POU6F2: variants seen among roughly 807,000 people sequenced by gnomAD.
POU6F2 encodes the protein POU domain, class 6, transcription factor 2.
Under a neutral mutation model 71.3 loss-of-function variants are expected in POU6F2, and 31 were observed. That is an observed-to-expected ratio of 0.43 (90% CI 0.33 to 0.59). The LOEUF (loss-of-function observed/expected upper bound fraction) is 0.59, where lower values mean the gene tolerates loss of function less well. Among genes scored for constraint, POU6F2 ranks in the 20% least tolerant of loss-of-function variants. The probability of loss-of-function intolerance (pLI) is 0.04; values close to 1 mark genes in which losing one functional copy is unlikely to be tolerated. For missense variants in POU6F2, 783 were observed against 856.8 expected (o/e 0.91, Z 1.07); for synonymous variants, 347 against 355.7 (o/e 0.98, Z 0.27).
intron 4 of POU6F2, among the ~76,000 whole-genome samples, chr7:39,338,485 G>A (rs1280873927): frequency 6.6e-6 from 1 of 152,164 alleles, no homozygotes; most frequent in Non-Finnish European, 1.5e-5. Context: ...CAGTTCAGTG[G>A]CTCAGTGAGG....
intron 1 of POU6F2, among the ~76,000 whole-genome samples, chr7:39,011,348 C>T (rs1294253135): frequency 6.6e-6 from 1 of 151,590 alleles, no homozygotes; most frequent in Non-Finnish European, 1.5e-5. Context: ...ATTGCAACCC[C>T]TGCCTTTTTT....
chr7:39,250,436 A>T (rs1783894250), intron 4 of POU6F2, among the ~76,000 whole-genome samples: 1 of 152,232 alleles, frequency 6.6e-6, no homozygotes, highest in Non-Finnish European at 1.5e-5. Flanking sequence ...CCTTATCTAA[A>T]GATGTGGCTC....
intron 6 of POU6F2, among the ~76,000 whole-genome samples, chr7:39,414,684 G>T (rs975402496): frequency 6.6e-6 from 1 of 150,588 alleles, no homozygotes; most frequent in African/African-American, 2.4e-5. Context: ...CCCGCCCAAG[G>T]TCGCCCCGCC....
chr7:39,378,027 C>T (rs140911007), intron 5 of POU6F2, among the ~76,000 whole-genome samples: 17 of 152,206 alleles, frequency 1.1e-4, no homozygotes, highest in African/African-American at 2.9e-4. Context: ...ATCTGCATCC[C>T]TCAGAATATT....
intron 2 of POU6F2, among the ~76,000 whole-genome samples, chr7:39,120,293 C>T (rs1014794564): frequency 2.6e-5 from 4 of 152,128 alleles, no homozygotes; most frequent in African/African-American, 7.2e-5. Context: ...TGTGAGCCAC[C>T]ATGTCCAGCC....
At chr7:39,413,457 A>G (rs1787597566) in intron 6 of POU6F2, among the ~76,000 whole-genome samples, 1 of 152,180 alleles carries the variant, frequency 6.6e-6, no homozygotes, top group Admixed American at 6.5e-5. Flanking sequence ...GAAAATTCAG[A>G]GTTGGTGTCT....
chr7:39,379,689 T>TAA (rs201435001), intron 5 of POU6F2, among the ~76,000 whole-genome samples: 1 of 151,986 alleles, frequency 6.6e-6, no homozygotes, highest in African/African-American at 2.4e-5. Context: ...TTTTTTCTTT[T>TAA]AAAAAAAAAT....
At chr7:39,438,631 T>C (rs1788310330) in intron 7 of POU6F2, among the ~76,000 whole-genome samples, 1 of 152,194 alleles carries the variant, frequency 6.6e-6, no homozygotes, top group South Asian at 2.1e-4. Context: ...AGTTCAACCA[T>C]TGTGGAAGAC....
intron 1 of POU6F2, among the ~76,000 whole-genome samples, chr7:39,046,579 G>A (rs879709940): frequency 9.9e-5 from 15 of 151,670 alleles, no homozygotes; most frequent in African/African-American, 2.4e-4. Context: ...TTTTCTTCTC[G>A]ATCAGGATTT....
chr7:39,460,453 T>C lies in POU6F2; in HGVS notation c.1490-94T>C, dbSNP rs1243381946. On this transcript the variant is annotated intron_variant, in intron 8 of 9. Transcript: ENST00000518318. The surrounding 1 kb of genome is among the most constrained non-coding windows in gnomAD (Gnocchi z 4.4). The stretch of plus-strand genomic sequence containing the variant: ...GGTTGGTTTCCTCACTGCTCTGCTG[T>C]TAAAGAGAGCCACTTTCTTATAAAC... The C allele has an allele frequency of 5.5e-6, 8 of 1,441,450 alleles. No homozygotes were observed. In the African/African-American group the frequency reaches 9.9e-5, roughly 18 times the overall value. The allele number at this position is 1,441,450 out of a possible 1,614,324, so 89.3% of individuals were successfully genotyped here.
rs373707771 is a variant in POU6F2 at position 39,239,299 on chromosome 7, G to C, written c.598+31679G>C. ...TGTAGAATGGCCAAATGGTTGAGTA[G>C]GTTTAAATTTCCTTATCTACAATTC... On this transcript the variant is annotated intron_variant, in intron 4 of 9. Transcript: ENST00000518318. Among the ~76,000 whole-genome samples the C allele has an allele frequency of 2.6e-4, 39 of 150,950 alleles. No homozygotes were observed. In the South Asian group the frequency reaches 7.7e-3, roughly 30 times the overall value.
intron 5 of POU6F2, among the ~76,000 whole-genome samples, chr7:39,371,620 C>T (rs1786612280): frequency 6.6e-6 from 1 of 152,170 alleles, no homozygotes; most frequent in African/African-American, 2.4e-5. Context: ...GTCACTTCTA[C>T]AGATGTCCCC....
intron 1 of POU6F2, among the ~76,000 whole-genome samples, chr7:39,048,405 C>A (rs943845388): frequency 1.3e-5 from 2 of 151,666 alleles, no homozygotes; most frequent in East Asian, 3.9e-4. Flanking sequence ...TTGTTCCCCT[C>A]TTTGTGTCTA....
At chr7:39,279,050 G>A (rs1335893297) in intron 4 of POU6F2, among the ~76,000 whole-genome samples, 1 of 152,048 alleles carries the variant, frequency 6.6e-6, no homozygotes, top group African/African-American at 2.4e-5. Context: ...TCTCCCAGGT[G>A]CACCATGGCC....
chr7:38,985,973 T>C (rs1788453150), intron 1 of POU6F2, among the ~76,000 whole-genome samples: 1 of 152,136 alleles, frequency 6.6e-6, no homozygotes, highest in Admixed American at 6.5e-5. Context: ...AACAAACCTA[T>C]ATCTAGATTC....
At chr7:39,173,898 G>A (rs570093487) in intron 2 of POU6F2, among the ~76,000 whole-genome samples, 1 of 152,310 alleles carries the variant, frequency 6.6e-6, no homozygotes, top group African/African-American at 2.4e-5. Context: ...AGTTTGCAAG[G>A]GTTACTTAGT....
chr7:39,054,486 C>A (rs910631109), intron 1 of POU6F2, among the ~76,000 whole-genome samples: 1 of 152,050 alleles, frequency 6.6e-6, no homozygotes, highest in African/African-American at 2.4e-5. Context: ...TATCCTTAAT[C>A]TTTTATGCCT....
At chr7:39,406,536 T>G (rs2115895767) in intron 5 of POU6F2, 64 bp from the exon 6 acceptor site, 1 of 1,567,932 alleles carries the variant, frequency 6.4e-7, no homozygotes. Context: ...GAGTCAATGT[T>G]GTGTCCGTGT....
At chr7:39,014,838 G>A (rs1315300496) in intron 1 of POU6F2, among the ~76,000 whole-genome samples, 1 of 151,902 alleles carries the variant, frequency 6.6e-6, no homozygotes, top group African/African-American at 2.4e-5. Flanking sequence ...ATACATCCTT[G>A]GTGTAATAAA....
Sources: allele counts gnomAD v4.1 joint callset (sites outside exome capture counted in the v4.1 genomes callset), GRCh38; gene constraint gnomAD v4.1.1; non-coding constraint Gnocchi (gnomAD v3.1); transcripts MANE v1.5; gene names NCBI Gene and HGNC (gene_info 2026-07-23, HGNC 2026-07-21).